The following ANKFN1 variants were observed in gnomAD, a reference collection of about 807,000 sequenced individuals.
ANKFN1 encodes the protein ankyrin repeat and fibronectin type-III domain-containing protein 1.
A neutral mutation model predicts 108.7 loss-of-function variants in ANKFN1; 74 were observed. The observed-to-expected ratio is 0.68, with a 90% CI of 0.56 to 0.83. The LOEUF is 0.83. Among genes scored for constraint, ANKFN1 ranks in the 40% least tolerant of loss-of-function variants. ANKFN1 has a pLI of 0.00. For synonymous variants in ANKFN1, 547 were observed against 516.2 expected, an observed-to-expected ratio of 1.06 and a Z score of -0.81; for missense variants, 1,505 against 1,382.3, an observed-to-expected ratio of 1.09 and a Z score of -1.41.
intron 6 of ANKFN1, among the ~76,000 whole-genome samples, chr17:56,356,182 C>T (rs1264703045): frequency 6.6e-6 from 1 of 152,056 alleles, no homozygotes; most frequent in Non-Finnish European, 1.5e-5. Flanking sequence ...CAGCACTCAC[C>T]CTGTGCCAGG....
At chr17:56,327,274 T>C (rs2045544990) in intron 4 of ANKFN1, among the ~76,000 whole-genome samples, 1 of 152,032 alleles carries the variant, frequency 6.6e-6, no homozygotes, top group Non-Finnish European at 1.5e-5. Flanking sequence ...CCCACCAGTC[T>C]CCTTAGTCTT....
chr17:56,212,069 G>A (rs1028627590), intron 1 of ANKFN1, among the ~76,000 whole-genome samples: 1 of 151,146 alleles, frequency 6.6e-6, no homozygotes, highest in African/African-American at 2.4e-5. Context: ...GACTCCCTCA[G>A]TACTATGTTG....
chr17:56,103,090 G>T (rs1055032033), intron 4 of ANKFN1, among the ~76,000 whole-genome samples: 6 of 152,230 alleles, frequency 3.9e-5, no homozygotes, highest in Non-Finnish European at 5.9e-5. Flanking sequence ...TGGGGACTGT[G>T]TGCATCTGGA....
At chr17:56,361,104 CT>C (rs1009257397) in intron 6 of ANKFN1, among the ~76,000 whole-genome samples, 1 of 152,040 alleles carries the variant, frequency 6.6e-6, no homozygotes, top group East Asian at 1.9e-4. Context: ...CTGTGTGTGG[CT>C]TTTTTTACTT....
At chr17:56,449,932 A>G (rs1032207069) in intron 11 of ANKFN1, among the ~76,000 whole-genome samples, 2 of 152,194 alleles carry the variant, frequency 1.3e-5, no homozygotes, top group African/African-American at 4.8e-5. Flanking sequence ...AGAATCTCTG[A>G]GAAGGCTTTA....
chr17:56,351,062 G>A, intron 5 of ANKFN1, 95 bp downstream of exon 5: 1 of 1,268,420 alleles, frequency 7.9e-7, no homozygotes, highest in Non-Finnish European at 1.1e-6. Flanking sequence ...TACTTCAGAA[G>A]TTGATGCTTG....
At chr17:56,112,721 C>G (rs1252356069) in intron 4 of ANKFN1, among the ~76,000 whole-genome samples, 1 of 152,120 alleles carries the variant, frequency 6.6e-6, no homozygotes, top group Non-Finnish European at 1.5e-5. Context: ...AAGAATATGT[C>G]GTGGAGAACT....
chr17:56,293,894 A>G (rs1472113765), intron 3 of ANKFN1, among the ~76,000 whole-genome samples: 4 of 152,066 alleles, frequency 2.6e-5, no homozygotes, highest in African/African-American at 9.7e-5. Flanking sequence ...GGATCTAGGG[A>G]ACAGATCTGG....
chr17:56,420,248 G>C (rs894958279), intron 8 of ANKFN1, among the ~76,000 whole-genome samples: 9 of 152,260 alleles, frequency 5.9e-5, no homozygotes, highest in Non-Finnish European at 1.3e-4. Flanking sequence ...CTGACTTAGA[G>C]GAATTCTAGC....
chr17:56,344,201 T>C (rs1391240006), intron 4 of ANKFN1, among the ~76,000 whole-genome samples: 2 of 152,200 alleles, frequency 1.3e-5, no homozygotes, highest in South Asian at 2.1e-4. Context: ...CTGGAAACTA[T>C]ATTACCCCTT....
At chr17:56,138,096 T>C (rs1466634570) in intron 4 of ANKFN1, among the ~76,000 whole-genome samples, 1 of 152,142 alleles carries the variant, frequency 6.6e-6, no homozygotes, top group Non-Finnish European at 1.5e-5. Context: ...AGAGAATAGC[T>C]AGAAGCAAGC....
intron 3 of ANKFN1, among the ~76,000 whole-genome samples, chr17:56,265,962 C>T (rs1356991284): frequency 6.6e-6 from 1 of 152,102 alleles, no homozygotes; most frequent in Non-Finnish European, 1.5e-5. Flanking sequence ...AGTCAAAGGG[C>T]ATATTATCTG....
chr17:56,464,805 T>C (rs1341357826), intron 14 of ANKFN1, among the ~76,000 whole-genome samples: 1 of 152,216 alleles, frequency 6.6e-6, no homozygotes, highest in Non-Finnish European at 1.5e-5. Context: ...TAAAGACTCT[T>C]ACTTTTAGAT....
chr17:56,429,875 A>C (rs2048696261), intron 8 of ANKFN1, among the ~76,000 whole-genome samples: 1 of 152,202 alleles, frequency 6.6e-6, no homozygotes, highest in African/African-American at 2.4e-5. Context: ...TAGGAGGCCA[A>C]TTTGAAATAT....
In ANKFN1 at chr17:56,338,897, A is replaced by T. The variant is rs185785958; in HGVS notation, c.189-11869A>T. Among the ~76,000 whole-genome samples, 20 of 152,212 alleles carry T rather than the reference A, an allele frequency of 1.3e-4. No individual in the cohort carries two copies. In the East Asian group the frequency reaches 3.5e-3, roughly 27 times the overall value. On this transcript the variant is annotated intron_variant, in intron 4 of 20. Coordinates refer to ENST00000682825, the MANE Select transcript of ANKFN1 (RefSeq NM_001370326.1). ...AGGAGGAGCAATTTCTGTAATGCAG[A>T]GGAAATAAGTTGTATTGAAAGGGAT...
chr17:56,500,097 A>G (rs1016978806), intron 20 of ANKFN1, among the ~76,000 whole-genome samples: 4 of 152,240 alleles, frequency 2.6e-5, no homozygotes, highest in African/African-American at 9.6e-5. Flanking sequence ...ACTACATCTG[A>G]CACTCAGTTT....
chr17:56,063,998 C>A (rs1261821922), intron 4 of ANKFN1, among the ~76,000 whole-genome samples: 4 of 152,152 alleles, frequency 2.6e-5, no homozygotes, highest in Non-Finnish European at 5.9e-5. Flanking sequence ...CCAGGTCCCT[C>A]TTCTGTAGGG....
intron 4 of ANKFN1, among the ~76,000 whole-genome samples, chr17:56,089,802 C>A (rs184912683): frequency 2.0e-5 from 3 of 151,276 alleles, no homozygotes; most frequent in Admixed American, 6.6e-5. Flanking sequence ...TGCAGCTTTG[C>A]TATTTACCAG....
intron 19 of ANKFN1, among the ~76,000 whole-genome samples, chr17:56,495,218 T>C (rs995223564): frequency 2.6e-5 from 4 of 152,130 alleles, no homozygotes; most frequent in Non-Finnish European, 4.4e-5. Context: ...CCTACACCCA[T>C]AGCCTTCAAT....
Sources: allele counts gnomAD v4.1 joint callset (sites outside exome capture counted in the v4.1 genomes callset), GRCh38; gene constraint gnomAD v4.1.1; transcripts MANE v1.5; gene names NCBI Gene and HGNC (gene_info 2026-07-23, HGNC 2026-07-21).